REDIC1: variants seen among roughly 807,000 people sequenced by gnomAD.
REDIC1 encodes the protein regulator of DNA class I crossover intermediates 1, also known as HEI10 Interacting Protein 1.
At chr12:39,731,540 C>A in the REDIC1 span, among the ~76,000 whole-genome samples, 18 of 152,190 alleles carry the variant, frequency 1.2e-4, no homozygotes, top group African/African-American at 4.3e-4. Flanking sequence ...CCCAGAGGGG[C>A]ACCCGCCAGA....
chr12:39,764,837 G>C, the REDIC1 span: 1 of 1,612,098 alleles, frequency 6.2e-7, no homozygotes, highest in Non-Finnish European at 8.5e-7. Context: ...CTTCTGTTTT[G>C]AACTTGGTTT....
chr12:39,756,235 C>T, the REDIC1 span: 13 of 151,916 alleles, frequency 8.6e-5, no homozygotes, highest in Admixed American at 3.9e-4. Context: ...ATTTTAACCA[C>T]AATTTAATAC....
chr12:39,795,212 G>C, the REDIC1 span, among the ~76,000 whole-genome samples: 1 of 151,526 alleles, frequency 6.6e-6, no homozygotes. Context: ...CTCTCTGTGT[G>C]TGTCACATCT....
the REDIC1 span, among the ~76,000 whole-genome samples, chr12:39,858,600 C>T: frequency 6.6e-6 from 1 of 152,096 alleles, no homozygotes; most frequent in Non-Finnish European, 1.5e-5. Context: ...AGGGTTTTTA[C>T]ACATTTCTTT....
the REDIC1 span, among the ~76,000 whole-genome samples, chr12:39,795,005 G>C: frequency 6.6e-6 from 1 of 152,020 alleles, no homozygotes; most frequent in African/African-American, 2.4e-5. Flanking sequence ...TAATCTGTTT[G>C]GTGTGGATAT....
the REDIC1 span, among the ~76,000 whole-genome samples, chr12:39,724,462 A>C: frequency 1.3e-5 from 2 of 152,044 alleles, no homozygotes; most frequent in African/African-American, 4.8e-5. Flanking sequence ...AACTTGCTTA[A>C]TAACCAACAC....
chr12:39,647,776 A>T, the REDIC1 span: 8 of 1,438,818 alleles, frequency 5.6e-6, no homozygotes, highest in Non-Finnish European at 7.4e-6. Context: ...AAATGATTTT[A>T]TCTTCTTTCC....
the REDIC1 span, among the ~76,000 whole-genome samples, chr12:39,738,334 C>G: frequency 9.2e-5 from 14 of 152,048 alleles, no homozygotes; most frequent in Non-Finnish European, 1.8e-4. Flanking sequence ...TATTTGCCAC[C>G]CTTCTTTTAA....
chr12:39,724,548 T>C, the REDIC1 span, among the ~76,000 whole-genome samples: 7 of 152,164 alleles, frequency 4.6e-5, 1 homozygote, highest in African/African-American at 1.7e-4. Flanking sequence ...AAACTATATG[T>C]ACTTGAATCC....
the REDIC1 span, among the ~76,000 whole-genome samples, chr12:39,742,555 C>A: frequency 6.6e-6 from 1 of 152,122 alleles, no homozygotes; most frequent in African/African-American, 2.4e-5. Context: ...GGGTAGAGGG[C>A]TTCCCTGCCC....
At chr12:39,829,985 T>G in the REDIC1 span, 1 of 1,230,540 alleles carries the variant, frequency 8.1e-7, no homozygotes, top group Admixed American at 1.9e-5. Context: ...TGCAAAGTAA[T>G]GTAGTTATGA....
chr12:39,872,022 T>C, the REDIC1 span: 3,922 of 1,389,992 alleles, frequency 2.8e-3, 98 homozygotes, highest in African/African-American at 0.048. Context: ...AGGGTTATTT[T>C]GATAGAAAAA....
the REDIC1 span, among the ~76,000 whole-genome samples, chr12:39,846,755 C>T: frequency 2.6e-5 from 4 of 152,078 alleles, no homozygotes; most frequent in Non-Finnish European, 5.9e-5. Flanking sequence ...CCCAGCCTCA[C>T]TTAATTTGTT....
At chr12:39,891,727 G>C in the REDIC1 span, among the ~76,000 whole-genome samples, 1 of 152,156 alleles carries the variant, frequency 6.6e-6, no homozygotes, top group South Asian at 2.1e-4. Context: ...CCTTAGGTTA[G>C]TGACAGGAAT....
chr12:39,820,584 T>C, the REDIC1 span, among the ~76,000 whole-genome samples: 1 of 152,032 alleles, frequency 6.6e-6, no homozygotes, highest in African/African-American at 2.4e-5. Flanking sequence ...AGCGGTTCTT[T>C]GATTTGAATG....
chr12:39,893,162 A>G, the REDIC1 span, among the ~76,000 whole-genome samples: 1 of 152,244 alleles, frequency 6.6e-6, no homozygotes, highest in Non-Finnish European at 1.5e-5. Context: ...AAGCAACAAC[A>G]TATTCAGTCA....
At chr12:39,798,915 A>G in the REDIC1 span, among the ~76,000 whole-genome samples, 1 of 151,862 alleles carries the variant, frequency 6.6e-6, no homozygotes, top group Admixed American at 6.6e-5. Context: ...ACAGCTTTAT[A>G]ATTATACATT....
chr12:39,752,268 T>C, the REDIC1 span, among the ~76,000 whole-genome samples: 2 of 152,160 alleles, frequency 1.3e-5, no homozygotes, highest in African/African-American at 4.8e-5. Flanking sequence ...AGCTGAACTC[T>C]GCCTCTTGTC....
At chr12:39,660,991 C>A in the REDIC1 span, among the ~76,000 whole-genome samples, 2 of 152,008 alleles carry the variant, frequency 1.3e-5, no homozygotes, top group African/African-American at 4.8e-5. Context: ...CGATTTCATT[C>A]TTTTTTAATG....
Sources: allele counts gnomAD v4.1 joint callset (sites outside exome capture counted in the v4.1 genomes callset), GRCh38; gene constraint gnomAD v4.1.1; transcripts MANE v1.5; gene names NCBI Gene and HGNC (gene_info 2026-07-23, HGNC 2026-07-21).